Variants in ZFP1 observed in about 807,000 individuals in gnomAD.
ZFP1 encodes zinc finger protein 1 homolog.
Under a neutral mutation model 38.5 loss-of-function variants are expected in ZFP1, and 32 were observed. The observed-to-expected ratio is 0.83, with a 90% CI of 0.63 to 1.12. The LOEUF is 1.12. ZFP1 is among the 50% of genes most tolerant of loss of function. The pLI, the probability that ZFP1 is intolerant of heterozygous loss-of-function variation, is 0.00. For missense variants in ZFP1, 616 were observed against 480.8 expected (o/e 1.28, Z -2.63); for synonymous variants, 245 against 168.8 (o/e 1.45, Z -3.50).
At chr16:75,129,329 G>T in the ZFP1 span, among the ~76,000 whole-genome samples, 2 of 152,104 alleles carry the variant, frequency 1.3e-5, no homozygotes, top group African/African-American at 4.8e-5. Context: ...ATCAGAGACT[G>T]ATTTTCTTCT....
At chr16:75,157,397 C>G (rs1033026677) in intron 2 of ZFP1, among the ~76,000 whole-genome samples, 12 of 151,964 alleles carry the variant, frequency 7.9e-5, no homozygotes, top group Admixed American at 6.6e-4. Context: ...GTGTGTGCCA[C>G]TACACACGGT....
chr16:75,132,209 G>A, the ZFP1 span, among the ~76,000 whole-genome samples: 6 of 151,814 alleles, frequency 4.0e-5, no homozygotes, highest in African/African-American at 1.5e-4. Flanking sequence ...GCAACATAGC[G>A]AAACCCCATC....
chr16:75,123,033 A>G, the ZFP1 span, among the ~76,000 whole-genome samples: 1 of 152,274 alleles, frequency 6.6e-6, no homozygotes, highest in African/African-American at 2.4e-5. Flanking sequence ...AATAATAGAG[A>G]TTTTATTATT....
At chr16:75,135,371 A>G in the ZFP1 span, among the ~76,000 whole-genome samples, 1 of 152,158 alleles carries the variant, frequency 6.6e-6, no homozygotes, top group Non-Finnish European at 1.5e-5. Context: ...CCTTAAATGC[A>G]TATTGCTAAG....
At chr16:75,134,062 A>G in the ZFP1 span, among the ~76,000 whole-genome samples, 2 of 152,156 alleles carry the variant, frequency 1.3e-5, no homozygotes, top group Non-Finnish European at 2.9e-5. Flanking sequence ...AATAATAATA[A>G]TAACAATAAG....
intron 1 of ZFP1, among the ~76,000 whole-genome samples, chr16:75,149,757 A>G (rs1257430963): frequency 2.0e-5 from 3 of 150,016 alleles, no homozygotes; most frequent in Non-Finnish European, 4.4e-5. Flanking sequence ...GTTCCTCTAA[A>G]TACTACTTTA....
intron 1 of ZFP1, among the ~76,000 whole-genome samples, chr16:75,151,561 A>AT (rs2037203706): frequency 6.6e-6 from 1 of 152,166 alleles, no homozygotes; most frequent in African/African-American, 2.4e-5. Context: ...AACTTTAAAG[A>AT]TATCATACTG....
chr16:75,169,311 G>GA lies in ZFP1; in HGVS notation c.202dup (p.Arg68LysfsTer7). ...ACCACAGAAACCCAGACGAGCAGGC[G>GA]AGGCAATTTTTAATTCTTAAGAACC... On this transcript the variant is annotated frameshift_variant, in exon 4 of 4. Transcript: ENST00000570010. LOFTEE classifies it high-confidence loss of function. 1 of 1,614,064 alleles carries GA rather than the reference G, an allele frequency of 6.2e-7. No homozygotes were observed.
At chr16:75,127,509 T>C in the ZFP1 span, among the ~76,000 whole-genome samples, 4 of 152,076 alleles carry the variant, frequency 2.6e-5, no homozygotes, top group Non-Finnish European at 5.9e-5. Flanking sequence ...TTAGTAGAGA[T>C]GGGGTTTCGC....
chr16:75,124,172 T>C, the ZFP1 span, among the ~76,000 whole-genome samples: 1 of 151,528 alleles, frequency 6.6e-6, no homozygotes, highest in Admixed American at 6.6e-5. Context: ...TGAAAGTTTT[T>C]TTTTTTTGAG....
At chr16:75,158,351 A>AT (rs1172025125) in intron 2 of ZFP1, among the ~76,000 whole-genome samples, 2 of 146,484 alleles carry the variant, frequency 1.4e-5, no homozygotes, top group East Asian at 2.0e-4. Flanking sequence ...TTTTTTTTTA[A>AT]TTTTTTTTAT....
the ZFP1 span, among the ~76,000 whole-genome samples, chr16:75,133,910 G>A: frequency 3.0e-4 from 45 of 150,970 alleles, 1 homozygote; most frequent in African/African-American, 1.0e-3. Flanking sequence ...TTAGCCAGGC[G>A]TGCTGGTGCA....
the ZFP1 span, chr16:75,132,681 G>C: frequency 1.6e-5 from 2 of 122,710 alleles, no homozygotes; most frequent in East Asian, 5.1e-4. Context: ...TTCCGAGACA[G>C]AGTCTCACTC....
chr16:75,134,942 T>C, the ZFP1 span, among the ~76,000 whole-genome samples: 1 of 151,516 alleles, frequency 6.6e-6, no homozygotes, highest in Non-Finnish European at 1.5e-5. Flanking sequence ...TAATCCCAGC[T>C]ACTCGGGAGG....
intron 1 of ZFP1, among the ~76,000 whole-genome samples, chr16:75,152,418 C>T (rs998104794): frequency 7.9e-5 from 12 of 152,098 alleles, no homozygotes; most frequent in African/African-American, 2.4e-4. Context: ...TCAGTTTGAC[C>T]TATCTTCAAG....
At chr16:75,160,553 G>A (rs568067939) in intron 2 of ZFP1, among the ~76,000 whole-genome samples, 2 of 151,592 alleles carry the variant, frequency 1.3e-5, no homozygotes, top group South Asian at 4.2e-4. Flanking sequence ...CAGCTACTTA[G>A]GTGGCTGAGG....
chr16:75,161,368 C>T (rs985946768), intron 2 of ZFP1, among the ~76,000 whole-genome samples: 4 of 151,912 alleles, frequency 2.6e-5, no homozygotes, highest in Non-Finnish European at 4.4e-5. Context: ...TGCGCCCGGC[C>T]AACAACACTC....
At chr16:75,138,183 T>A in the ZFP1 span, among the ~76,000 whole-genome samples, 1 of 151,778 alleles carries the variant, frequency 6.6e-6, no homozygotes, top group African/African-American at 2.4e-5. Context: ...ACTACAGGCG[T>A]GCGCCACCAC....
the ZFP1 span, among the ~76,000 whole-genome samples, chr16:75,121,191 G>A: frequency 6.7e-6 from 1 of 149,938 alleles, no homozygotes; most frequent in East Asian, 2.0e-4. Context: ...TTGAGACAGA[G>A]TCTCGCTGTC....
Sources: gnomAD v4.1 joint callset for allele counts (sites outside exome capture counted in the v4.1 genomes callset) on GRCh38, gnomAD v4.1.1 for gene constraint, MANE v1.5 for transcripts, NCBI Gene and HGNC (gene_info 2026-07-23, HGNC 2026-07-21) for gene names.